Variants in BPTF observed in about 807,000 individuals in gnomAD.
The protein encoded by BPTF is bromodomain PHD finger transcription factor.
BPTF carries 18 observed loss-of-function variants against 292.5 expected under a neutral mutation model. The observed-to-expected ratio is 0.06, with a 90% CI of 0.04 to 0.09. The LOEUF is 0.09. Ranked by LOEUF, BPTF falls within the 10% of genes least tolerant of loss-of-function variation. The pLI is 1.00. For synonymous variants in BPTF, 1,225 were observed against 1,251.9 expected, an observed-to-expected ratio of 0.98 and a Z score of 0.45; for missense variants, 2,726 against 3,498.7, an observed-to-expected ratio of 0.78 and a Z score of 5.57.
rs1314622558 is a variant in BPTF at position 67,924,488 on chromosome 17, T to C, written c.5709-59T>C. 19 of 1,509,556 alleles carry C rather than the reference T, an allele frequency of 1.3e-5. No individual in the cohort carries two copies. In the East Asian group the frequency reaches 1.8e-4, roughly 14 times the overall value. The allele number at this position is 1,509,556 out of a possible 1,614,324, so 93.5% of individuals were successfully genotyped here. A position where few individuals can be genotyped will look rare whatever the true frequency, so the allele number is the denominator to read the frequency against. On this transcript the variant is annotated intron_variant, in intron 14 of 27. Transcript: ENST00000306378. ...GAAAATCAACCAGATTTCACTCTTA[T>C]TAGATGCCAGATGCCTAACAGGCTA...
At chr17:67,884,513 T>G (rs1404147790) in intron 4 of BPTF, among the ~76,000 whole-genome samples, 1 of 152,092 alleles carries the variant, frequency 6.6e-6, no homozygotes, top group Non-Finnish European at 1.5e-5. Flanking sequence ...GCTCTTGGGT[T>G]CAAATGATCT....
chr17:67,959,487 C>G, intron 23 of BPTF, 54 bp from the exon 24 acceptor site: 1 of 1,391,134 alleles, frequency 7.2e-7, no homozygotes, highest in Admixed American at 2.6e-5. Flanking sequence ...CTGGCCAGAT[C>G]ACACATTTAC....
In BPTF at chr17:67,854,770, A is replaced by T; in HGVS notation, c.1436+8A>T. Reference sequence around the variant, plus strand: ...GAACCGAAGACTCATAATGTAAGTAAATCTGGTCTTAATTTTTTGTATGCA... The same window carrying T: ...GAACCGAAGACTCATAATGTAAGTATATCTGGTCTTAATTTTTTGTATGCA... On this transcript the variant is annotated splice_region_variant and intron_variant, in intron 2 of 27. Coordinates refer to ENST00000306378, the MANE Select transcript of BPTF (RefSeq NM_182641.4). The surrounding 1 kb of genome is among the most constrained non-coding windows in gnomAD (Gnocchi z 5.6). 3 of 1,593,624 alleles carry T rather than the reference A, an allele frequency of 1.9e-6. No homozygotes were observed. The highest frequency in any genetic ancestry group is 2.6e-6 in the Non-Finnish European group (3 of 1,166,264).
In BPTF at chr17:67,893,741, G is replaced by T; in HGVS notation, c.2411+16G>T. 6.7e-7 allele frequency: 1 copy of T among 1,502,524 alleles called. No homozygotes were observed. The highest frequency in any genetic ancestry group is 9.1e-7 in the Non-Finnish European group (1 of 1,097,174). The allele number at this position is 1,502,524 out of a possible 1,614,324, so 93.1% of individuals were successfully genotyped here. On this transcript the variant is annotated intron_variant, in intron 6 of 27. Coordinates refer to ENST00000306378, the MANE Select transcript of BPTF (RefSeq NM_182641.4). ...CATCACATAGGTAAAGGAAACTAAG[G>T]TTAATTTATTGCTGTAAATATACTA...
chr17:67,929,548 A>G (rs1164456799), intron 17 of BPTF, 61 bp downstream of exon 17: 30 of 1,539,398 alleles, frequency 1.9e-5, no homozygotes, highest in Non-Finnish European at 2.5e-5. Flanking sequence ...TATTTTTAGA[A>G]TGACTTCTTC....
chr17:67,965,215 C>G (rs1307514195), intron 25 of BPTF: 10 of 151,630 alleles, frequency 6.6e-5, no homozygotes, highest in African/African-American at 2.4e-4. Context: ...CGGTGGGGCG[C>G]ACCAGTAATC....
intron 3 of BPTF, among the ~76,000 whole-genome samples, chr17:67,870,198 A>G (rs1033270726): frequency 2.6e-5 from 4 of 151,446 alleles, no homozygotes; most frequent in Non-Finnish European, 5.9e-5. Flanking sequence ...GGTGAGTTGT[A>G]CCTTGGATTT....
chr17:67,907,634 G>T (rs1163897110), intron 9 of BPTF, among the ~76,000 whole-genome samples: 2 of 152,284 alleles, frequency 1.3e-5, no homozygotes, highest in Non-Finnish European at 2.9e-5. Context: ...GGGATTACAG[G>T]TGTGAGTCAC....
At chr17:67,902,031 TAGAA>T (rs1405220714) in intron 7 of BPTF, among the ~76,000 whole-genome samples, 2 of 152,264 alleles carry the variant, frequency 1.3e-5, no homozygotes, top group African/African-American at 4.8e-5. Flanking sequence ...GGCCAAGAAG[TAGAA>T]AGAAAATCTG....
chr17:67,912,068 C>A lies in BPTF; in HGVS notation c.4184C>A (p.Ser1395Tyr). ...TDKKNNENRE[S>Y]EKKGQRTSTF... Reference sequence around the variant, plus strand: ...AAAAAGAATAATGAAAATCGAGAGTCTGAAAAGAAAGGACAGAGAACAAGT... The same window carrying A: ...AAAAAGAATAATGAAAATCGAGAGTATGAAAAGAAAGGACAGAGAACAAGT... Residue 1395 changes from serine (S) to tyrosine (Y), a missense_variant, in exon 11 of 28, where the codon TCT becomes TAT. By Grantham distance (144) the Ser-to-Tyr change is moderately radical. Coordinates refer to ENST00000306378, the MANE Select transcript of BPTF (RefSeq NM_182641.4). 1 of 1,609,968 alleles carries A rather than the reference C, an allele frequency of 6.2e-7. No homozygotes were observed. Among genetic ancestry groups the A allele is most frequent in the South Asian group, 1.1e-5 (1 of 89,992 alleles).
intron 7 of BPTF, among the ~76,000 whole-genome samples, chr17:67,899,076 C>T (rs1568010944): frequency 6.6e-6 from 1 of 152,024 alleles, no homozygotes; most frequent in African/African-American, 2.4e-5. Flanking sequence ...CGCTGAACTC[C>T]ACCAAAACTG....
In BPTF at chr17:67,928,538, C is replaced by A. The variant is rs2064106492; in HGVS notation, c.5935C>A (p.Gln1979Lys). ...KVGSPATVTF[Q>K]QNKNFHQTFA... ...TGGATCTCCAGCTACAGTAACATTC[C>A]AACAAAACAAGAACTTTCATCAAAC... Residue 1979 changes from glutamine to lysine, a missense_variant, in exon 16 of 28, where the codon CAA (glutamine) becomes AAA (lysine). Around this residue, in one of 22 missense-constraint regions of BPTF, gnomAD observed 198 missense variants for 277.1 expected, o/e 0.71. Transcript: ENST00000306378. 6.2e-7 allele frequency: 1 copy of A among 1,614,076 alleles called. No homozygotes were observed. The highest frequency in any genetic ancestry group is 1.3e-5 in the African/African-American group (1 of 75,048).
intron 4 of BPTF, among the ~76,000 whole-genome samples, chr17:67,877,869 G>A (rs983482507): frequency 6.6e-6 from 1 of 152,166 alleles, no homozygotes; most frequent in African/African-American, 2.4e-5. Flanking sequence ...CTGGGCTCAA[G>A]CCATCCTCCC....
chr17:67,880,421 T>C (rs2060324667), intron 4 of BPTF, among the ~76,000 whole-genome samples: 2 of 152,192 alleles, frequency 1.3e-5, no homozygotes, highest in South Asian at 4.1e-4. Flanking sequence ...ATCAAGGCTA[T>C]CAGCTTTCCT....
intron 26 of BPTF, 60 bp from the exon 27 acceptor site, chr17:67,975,712 A>C: frequency 6.9e-7 from 1 of 1,456,400 alleles, no homozygotes; most frequent in Non-Finnish European, 9.4e-7. Flanking sequence ...AACTTCGGAG[A>C]ATATTCACAT....
chr17:67,944,932 C>T (rs1422364765), intron 20 of BPTF, among the ~76,000 whole-genome samples: 1 of 112,440 alleles, frequency 8.9e-6, no homozygotes, highest in East Asian at 2.8e-4. Flanking sequence ...AGAAGCAGGG[C>T]CCAGGCTTCC....
intron 11 of BPTF, 38 bp from the exon 12 acceptor site, chr17:67,918,676 A>G (rs372078899): frequency 2.9e-5 from 46 of 1,583,182 alleles, no homozygotes; most frequent in East Asian, 6.8e-5. Context: ...ATGTATATAC[A>G]TATAGATATA....
At chr17:67,976,697 A>ATAT (rs369829617) in intron 27 of BPTF, among the ~76,000 whole-genome samples, 1 of 128,434 alleles carries the variant, frequency 7.8e-6, no homozygotes, top group South Asian at 2.4e-4. Context: ...AAAAAAAAAA[A>ATAT]AAAAAAAAAA....
chr17:67,933,525 T>G (rs1240261001), intron 18 of BPTF, among the ~76,000 whole-genome samples: 3 of 151,690 alleles, frequency 2.0e-5, no homozygotes, highest in Non-Finnish European at 4.4e-5. Context: ...AGTATGCTCA[T>G]GCTACTGCAC....
Sources: allele counts gnomAD v4.1 joint callset (sites outside exome capture counted in the v4.1 genomes callset), GRCh38; gene constraint gnomAD v4.1.1; regional missense constraint gnomAD v4.1.1; non-coding constraint Gnocchi (gnomAD v3.1); transcripts MANE v1.5; gene names NCBI Gene and HGNC (gene_info 2026-07-23, HGNC 2026-07-21).